Variants in FGR observed in about 807,000 individuals in gnomAD.
The protein encoded by FGR is FGR proto-oncogene, Src family tyrosine kinase, also known as tyrosine-protein kinase Fgr.
In FGR, 26 loss-of-function variants were observed where a neutral mutation model predicts 63.2. The observed-to-expected ratio is 0.41, with a 90% CI of 0.30 to 0.57. The LOEUF is 0.57. Among genes scored for constraint, FGR ranks in the 20% least tolerant of loss-of-function variants. The pLI, the probability that FGR is intolerant of heterozygous loss-of-function variation, is 0.27. For missense variants in FGR, 511 were observed against 690.8 expected, an observed-to-expected ratio of 0.74 and a Z score of 2.92; for synonymous variants, 286 against 277.7, an observed-to-expected ratio of 1.03 and a Z score of -0.30.
Position 27,617,352 on chromosome 1 carries a change from C to T in FGR, c.429-56G>A. 1.6e-6 allele frequency: 2 copies of T among 1,270,162 alleles called. No individual in the cohort carries two copies. The highest frequency in any genetic ancestry group is 1.1e-6 in the Non-Finnish European group (1 of 870,548). 78.7% of individuals were successfully genotyped at this position (1,270,162 alleles called of 1,614,324 possible). ...CGCTCTGCTCAAACCTCACCTCAGC[C>T]TCCTGCACAGTCACCTCACAAGCCA... On this transcript the variant is annotated intron_variant, in intron 5 of 12. Coordinates refer to ENST00000374005, the MANE Select transcript of FGR (RefSeq NM_005248.3). This position sits in a 1 kb window ranked among gnomAD's most constrained non-coding sequence, Gnocchi z 4.5.
At chr1:27,614,689 A>G in intron 10 of FGR, 106 bp from the exon 11 acceptor site, 1 of 1,415,072 alleles carries the variant, frequency 7.1e-7, no homozygotes, top group Non-Finnish European at 9.7e-7. Context: ...CCAGAGGGGG[A>G]GACTGAGGCC....
chr1:27,616,748 C>A lies in FGR; in HGVS notation c.682+109G>T. The A allele has an allele frequency of 8.0e-7, 1 of 1,246,048 alleles. No individual in the cohort carries two copies. Among genetic ancestry groups the A allele is most frequent in the South Asian group, 1.3e-5 (1 of 76,100 alleles). 77.2% of individuals were successfully genotyped at this position (1,246,048 alleles called of 1,614,324 possible). A position where few individuals can be genotyped will look rare whatever the true frequency, so the allele number is the denominator to read the frequency against. On this transcript the variant is annotated intron_variant, in intron 7 of 12. Transcript: ENST00000374005. This position sits in a 1 kb window ranked among gnomAD's most constrained non-coding sequence, Gnocchi z 4.3. ...GACCCCATCCTTGGGTTCTGGTTTC[C>A]GTCTGGCCAATACTGCTTGGTAGTC...
At chr1:27,629,698 T>G (rs1469876092) in intron 1 of FGR, among the ~76,000 whole-genome samples, 1 of 152,186 alleles carries the variant, frequency 6.6e-6, no homozygotes, top group Non-Finnish European at 1.5e-5. Context: ...ATGAGCTAAT[T>G]TATTAAACAG....
Position 27,617,408 on chromosome 1 carries a change from G to T in FGR, c.429-112C>A. On this transcript the variant is annotated intron_variant, in intron 5 of 12. Transcript: ENST00000374005. The surrounding 1 kb of genome is among the most constrained non-coding windows in gnomAD (Gnocchi z 4.5). Reference sequence around the variant, plus strand: ...CCATTTTCCCCATGTGTAAAATGGGGCTGGTACACCTGCTTCACATCCTGG... The same window carrying T: ...CCATTTTCCCCATGTGTAAAATGGGTCTGGTACACCTGCTTCACATCCTGG... The T allele has an allele frequency of 1.4e-6, 1 of 739,862 alleles. No homozygotes were observed. Among genetic ancestry groups the T allele is most frequent in the Non-Finnish European group, 2.4e-6 (1 of 423,658 alleles). 45.8% of individuals were successfully genotyped at this position (739,862 alleles called of 1,614,324 possible).
intron 11 of FGR, 42 bp from the exon 12 acceptor site, chr1:27,613,392 C>T (rs1396192906): frequency 1.2e-6 from 2 of 1,605,362 alleles, no homozygotes. Context: ...TGAGGGGGTC[C>T]CTGGAAACAG....
chr1:27,614,861 T>C lies in FGR; in HGVS notation c.1084A>G (p.Met362Val). 4 of 1,592,148 alleles carry C rather than the reference T, an allele frequency of 2.5e-6. No homozygotes were observed. Among genetic ancestry groups the C allele is most frequent in the Non-Finnish European group, 3.4e-6 (4 of 1,167,760 alleles). ...QDLRLPQLVD[M>V]AAQVAEGMAY... ...GCTGGCCCAGTTACCTGGGCTGCCA[T>C]GTCCACCAATTGGGGCAGCCTCAAA... The change falls in exon 10 of 13, where the codon ATG becomes GTG. Residue 362 changes from methionine to valine, a missense_variant. Met to Val is a conservative substitution (Grantham distance 21, BLOSUM62 1). Transcript: ENST00000374005.
At chr1:27,619,096 G>A (rs751665723) in intron 5 of FGR, among the ~76,000 whole-genome samples, 1 of 152,170 alleles carries the variant, frequency 6.6e-6, no homozygotes, top group Middle Eastern at 3.2e-3. Context: ...CTTCTCCTTC[G>A]AGGGCAGCTT....
At chr1:27,625,517 G>C (rs571577899) in intron 1 of FGR, among the ~76,000 whole-genome samples, 2 of 152,152 alleles carry the variant, frequency 1.3e-5, no homozygotes, top group African/African-American at 4.8e-5. Flanking sequence ...TATACATGGG[G>C]TGCCTGCCAG....
chr1:27,627,740 C>G (rs2090044557), intron 1 of FGR, among the ~76,000 whole-genome samples: 1 of 152,142 alleles, frequency 6.6e-6, no homozygotes, highest in Non-Finnish European at 1.5e-5. Context: ...TCCTGAGTAG[C>G]TGGGATTACA....
intron 5 of FGR, 51 bp downstream of exon 5, chr1:27,621,508 G>A: frequency 2.9e-6 from 4 of 1,365,982 alleles, no homozygotes; most frequent in Non-Finnish European, 4.2e-6. Flanking sequence ...CTTGGAGTCT[G>A]GACTCCAGGG....
chr1:27,614,264 G>T (rs1037602031), intron 11 of FGR, among the ~76,000 whole-genome samples, 166 bp downstream of exon 11: 4 of 152,210 alleles, frequency 2.6e-5, no homozygotes, highest in African/African-American at 9.6e-5. Context: ...CCACATGGCT[G>T]GTAAGTGGCC....
At chr1:27,619,796 C>T (rs991858768) in intron 5 of FGR, among the ~76,000 whole-genome samples, 4 of 152,302 alleles carry the variant, frequency 2.6e-5, no homozygotes, top group African/African-American at 7.2e-5. Flanking sequence ...CCTGTGTTTC[C>T]CGCCTTAGCA....
rs1049264928 is a variant in FGR at position 27,616,574 on chromosome 1, T to A, written c.682+283A>T. Among the ~76,000 whole-genome samples, 1 of 152,214 alleles carries A rather than the reference T, an allele frequency of 6.6e-6. No homozygotes were observed. Among genetic ancestry groups the A allele is most frequent in the Non-Finnish European group, 1.5e-5 (1 of 68,036 alleles). On this transcript the variant is annotated intron_variant, in intron 7 of 12. Coordinates refer to ENST00000374005, the MANE Select transcript of FGR (RefSeq NM_005248.3). The surrounding 1 kb of genome is among the most constrained non-coding windows in gnomAD (Gnocchi z 4.3). ...CAGTCCTGGTGCCTTGGTGGGGCAT[T>A]CAGGCGGCACAAACACTCCATCAAG...
chr1:27,615,810 C>A lies in FGR; in HGVS notation c.717G>T (p.Ala239=), dbSNP rs375415621. 3 of 1,598,150 alleles carry A rather than the reference C, an allele frequency of 1.9e-6. No individual in the cohort carries two copies. The African/African-American group carries it at 4.0e-5, about 21-fold the overall frequency. The change falls in exon 8 of 13, where the codon GCG becomes GCT. Residue 239 remains alanine, a synonymous_variant. Transcript: ENST00000374005. This position sits in a 1 kb window ranked among gnomAD's most constrained non-coding sequence, Gnocchi z 7.6. ...TCTGCGGCTTCATGATGGTGCAGGG[C>A]GCGATGAGCAGGTTGCACAGCCCGT... The part of the protein sequence containing the change: ...VNDGLCNLLI[A]PCTIMKPQTL...
At chr1:27,621,496 G>T in intron 5 of FGR, 63 bp downstream of exon 5, 1 of 1,147,294 alleles carries the variant, frequency 8.7e-7, no homozygotes, top group Non-Finnish European at 1.3e-6. Context: ...CCAAGAGGTG[G>T]CCTTGGAGTC....
rs1295560607 is a variant in FGR at position 27,615,622 on chromosome 1, A to C, written c.839-9T>G. ...GCTGCCGTTCCACGTGCCTGCTCGG[A>C]GGCTGTCTTGTCAGGACCCTCTCCC... On this transcript the variant is annotated splice_polypyrimidine_tract_variant and intron_variant, in intron 8 of 12. Transcript: ENST00000374005. This position sits in a 1 kb window ranked among gnomAD's most constrained non-coding sequence, Gnocchi z 7.6. 1 of 1,603,144 alleles carries C rather than the reference A, an allele frequency of 6.2e-7. No individual in the cohort carries two copies. Among genetic ancestry groups the C allele is most frequent in the Non-Finnish European group, 8.5e-7 (1 of 1,171,204 alleles).
chr1:27,623,172 T>A (rs1236011445), intron 3 of FGR, 28 bp from the exon 4 acceptor site: 1 of 1,558,744 alleles, frequency 6.4e-7, no homozygotes, highest in Non-Finnish European at 8.8e-7. Flanking sequence ...CTCAGCAGGG[T>A]AGGGCATGGG....
intron 1 of FGR, among the ~76,000 whole-genome samples, chr1:27,627,294 C>T (rs2090036470): frequency 6.6e-6 from 1 of 152,134 alleles, no homozygotes; most frequent in South Asian, 2.1e-4. Flanking sequence ...CTTCAGACCC[C>T]TTCTCAGTTG....
In FGR at chr1:27,623,628, T is replaced by G. The variant is rs757425732; in HGVS notation, c.226+63A>C. 11 of 1,556,250 alleles carry G rather than the reference T, an allele frequency of 7.1e-6. No homozygotes were observed. In the East Asian group the frequency reaches 2.3e-4, roughly 32 times the overall value. On this transcript the variant is annotated intron_variant, in intron 3 of 12. Transcript: ENST00000374005. ...GCTCCTAAGGGCAAGTTCGCATCTC[T>G]TCTTCTTCCCTCAGTTTCTCCCAGG...
Sources: gnomAD v4.1 joint callset for allele counts (sites outside exome capture counted in the v4.1 genomes callset) on GRCh38, gnomAD v4.1.1 for gene constraint, Gnocchi (gnomAD v3.1) non-coding constraint, MANE v1.5 for transcripts, NCBI Gene and HGNC (gene_info 2026-07-23, HGNC 2026-07-21) for gene names.